The following DCLRE1C variants were observed in gnomAD, a reference collection of about 807,000 sequenced individuals.
DCLRE1C encodes the protein DNA cross-link repair 1C, also known as protein artemis.
Under a neutral mutation model 61.4 loss-of-function variants are expected in DCLRE1C, and 47 were observed. The ratio of observed to expected loss-of-function variants is 0.77; its 90% CI spans 0.61 to 0.98. The LOEUF (loss-of-function observed/expected upper bound fraction) is 0.98. Ranked by LOEUF, DCLRE1C falls within the 50% of genes least tolerant of loss-of-function variation. The pLI is 0.00. For missense variants in DCLRE1C, 858 were observed against 816.0 expected (o/e 1.05, Z -0.63); for synonymous variants, 337 against 287.6 (o/e 1.17, Z -1.74).
Position 14,905,377 on chromosome 10 carries a change from G to T in DCLRE1C, c.*3031C>A, listed in dbSNP as rs1366403471. 6.6e-6 allele frequency among the ~76,000 whole-genome samples: 1 copy of T among 152,202 alleles called. No homozygotes were observed. Among genetic ancestry groups the T allele is most frequent in the Non-Finnish European group, 1.5e-5 (1 of 68,040 alleles). On this transcript the variant is annotated 3_prime_UTR_variant, in exon 14 of 14. Coordinates refer to ENST00000378278, the MANE Select transcript of DCLRE1C (RefSeq NM_001033855.3). The stretch of plus-strand genomic sequence containing the variant: ...ACGTAAACATACTATGGTAAGTACT[G>T]CCTAGAAATGCAAAGGAATTTTAGA...
intron 3 of DCLRE1C, among the ~76,000 whole-genome samples, chr10:14,944,152 G>T (rs1262825092): frequency 1.3e-5 from 2 of 152,116 alleles, no homozygotes; most frequent in Non-Finnish European, 2.9e-5. Context: ...TAGCAATTAT[G>T]TTAATGAACA....
At chr10:14,935,678 A>C in intron 5 of DCLRE1C, 114 bp from the exon 6 acceptor site, 3 of 1,025,018 alleles carry the variant, frequency 2.9e-6, no homozygotes, top group Non-Finnish European at 4.5e-6. Flanking sequence ...TTACAATACA[A>C]TGGTAATGGA....
In DCLRE1C at chr10:14,939,212, G is replaced by A. The variant is rs138176709; in HGVS notation, c.306+598C>T. On this transcript the variant is annotated intron_variant, in intron 4 of 13. Transcript: ENST00000378278. ...AGAACTTTGGGAGGCCAAGGCAGGCGGATCACTTGAGGTCAGGAGTTCAAG... is the reference window on the plus strand; with the variant it reads ...AGAACTTTGGGAGGCCAAGGCAGGCAGATCACTTGAGGTCAGGAGTTCAAG... Among the ~76,000 whole-genome samples, 723 of 152,210 alleles carry A rather than the reference G, an allele frequency of 4.8e-3. 5 individuals carry two copies. Among genetic ancestry groups the A allele is most frequent in the African/African-American group, 0.016 (663 of 41,510 alleles).
chr10:14,912,882 C>T (rs182467381), intron 13 of DCLRE1C, among the ~76,000 whole-genome samples: 446 of 150,388 alleles, frequency 3.0e-3, no homozygotes, highest in African/African-American at 0.011. Flanking sequence ...GGGGTTTCAC[C>T]GTGTTAGCCA....
At chr10:14,940,106 T>C (rs1589107737) in intron 3 of DCLRE1C, among the ~76,000 whole-genome samples, 2 of 152,180 alleles carry the variant, frequency 1.3e-5, no homozygotes, top group East Asian at 3.8e-4. Context: ...TATAATCCTC[T>C]GACACAATTC....
intron 8 of DCLRE1C, 122 bp downstream of exon 8, chr10:14,934,258 G>A (rs1839503807): frequency 7.2e-7 from 1 of 1,395,098 alleles, no homozygotes; most frequent in Non-Finnish European, 9.7e-7. Context: ...AACCCGGGAG[G>A]TGGAGGCTGC....
At chr10:14,910,531 G>A (rs1035367062) in intron 13 of DCLRE1C, among the ~76,000 whole-genome samples, 3 of 152,090 alleles carry the variant, frequency 2.0e-5, no homozygotes, top group African/African-American at 7.2e-5. Flanking sequence ...CTGCACTCAG[G>A]CAATCCACCC....
intron 13 of DCLRE1C, among the ~76,000 whole-genome samples, chr10:14,917,381 G>A (rs1836368182): frequency 6.6e-6 from 1 of 151,420 alleles, no homozygotes; most frequent in Non-Finnish European, 1.5e-5. Flanking sequence ...AAATTGATAA[G>A]TTCACTTAAA....
intron 6 of DCLRE1C, among the ~76,000 whole-genome samples, 177 bp from the exon 7 acceptor site, chr10:14,934,952 A>G (rs41297030): frequency 0.013 from 1,936 of 151,914 alleles, 51 homozygotes; most frequent in African/African-American, 0.044. Flanking sequence ...CCTCCCAACT[A>G]TCTGGGATCA....
chr10:14,941,098 G>T (rs1200593190), intron 3 of DCLRE1C, among the ~76,000 whole-genome samples: 1 of 152,242 alleles, frequency 6.6e-6, no homozygotes, highest in East Asian at 1.9e-4. Context: ...GACTGGTCTC[G>T]AACTCCTGAC....
At position 14,906,674 on chromosome 10, in the gene DCLRE1C, A is replaced by G. The variant is rs965550281; in HGVS notation, c.*1734T>C. Among the ~76,000 whole-genome samples the G allele has an allele frequency of 2.0e-5, 3 of 152,206 alleles. No homozygotes were observed. The highest frequency in any genetic ancestry group is 4.4e-5 in the Non-Finnish European group (3 of 68,030). ...TGCAGCATCATGATAATGCATATCA[A>G]GTGTTAGTTTAACTGATCTGCAAAT... On this transcript the variant is annotated 3_prime_UTR_variant, in exon 14 of 14. Transcript: ENST00000378278.
chr10:14,945,563 T>C (rs1841544203), intron 2 of DCLRE1C: 1 of 1,061,102 alleles, frequency 9.4e-7, no homozygotes, highest in Non-Finnish European at 1.1e-6. Context: ...TGATCAGGTG[T>C]GTCTGGAAAG....
intron 3 of DCLRE1C, among the ~76,000 whole-genome samples, chr10:14,940,295 T>A (rs28603206): frequency 0.018 from 2,738 of 151,318 alleles, 86 homozygotes; most frequent in South Asian, 0.073. Context: ...CTTTTATTTT[T>A]TTTTTTTTTC....
At chr10:14,909,607 G>GAA (rs35882715) in intron 13 of DCLRE1C, among the ~76,000 whole-genome samples, 57 of 117,852 alleles carry the variant, frequency 4.8e-4, no homozygotes, top group African/African-American at 1.6e-3. Flanking sequence ...TTCAAAAAAA[G>GAA]AAAAAAAAAA....
intron 3 of DCLRE1C, 55 bp downstream of exon 3, chr10:14,945,050 T>G: frequency 7.2e-7 from 1 of 1,386,366 alleles, no homozygotes; most frequent in Non-Finnish European, 1.0e-6. Flanking sequence ...TCAATCTACC[T>G]CTAAAAATAC....
chr10:14,927,877 A>T, intron 10 of DCLRE1C, 139 bp downstream of exon 10: 1 of 559,066 alleles, frequency 1.8e-6, no homozygotes, highest in Non-Finnish European at 2.5e-6. Context: ...CCCTCCATTT[A>T]AATAAAATTT....
chr10:14,914,621 ATGGTCCGTAAATATTC>A lies in DCLRE1C; in HGVS notation c.1156+5101_1156+5116del, dbSNP rs1399005218. ...TAATGTGTAAATTGGTCCACAATTGATGGTCCGTAAATATTCTGGACCATAAATTTCAAAAGTACCA... is the reference window on the plus strand; with the variant it reads ...TAATGTGTAAATTGGTCCACAATTGATGGACCATAAATTTCAAAAGTACCA... On this transcript the variant is annotated intron_variant, in intron 13 of 13. Coordinates refer to ENST00000378278, the MANE Select transcript of DCLRE1C (RefSeq NM_001033855.3). 2.0e-5 allele frequency among the ~76,000 whole-genome samples: 3 copies of A among 152,194 alleles called. No individual in the cohort carries two copies. The East Asian group carries it at 5.8e-4, about 29-fold the overall frequency.
chr10:14,923,207 A>C, intron 11 of DCLRE1C, 138 bp from the exon 12 acceptor site: 1 of 692,988 alleles, frequency 1.4e-6, no homozygotes, highest in Non-Finnish European at 2.6e-6. Context: ...CGTGGGGATC[A>C]CCAGGGACCT....
chr10:14,916,113 C>T (rs1387715395), intron 13 of DCLRE1C, among the ~76,000 whole-genome samples: 1 of 152,140 alleles, frequency 6.6e-6, no homozygotes, highest in Non-Finnish European at 1.5e-5. Flanking sequence ...GACACAAAGC[C>T]TATACTTATC....
Sources: gnomAD v4.1 joint callset for allele counts (sites outside exome capture counted in the v4.1 genomes callset) on GRCh38, gnomAD v4.1.1 for gene constraint, MANE v1.5 for transcripts, NCBI Gene and HGNC (gene_info 2026-07-23, HGNC 2026-07-21) for gene names.